Variants in PDE4D observed in about 807,000 individuals in gnomAD.
The protein encoded by PDE4D is phosphodiesterase 4D.
A neutral mutation model predicts 87.4 loss-of-function variants in PDE4D; 24 were observed. The observed-to-expected ratio is 0.27, with a 90% CI of 0.20 to 0.39. The LOEUF is 0.39. PDE4D is among the 10% of genes least tolerant of loss of function. PDE4D has a pLI of 1.00. For missense variants in PDE4D, 714 were observed against 1,041.0 expected, an observed-to-expected ratio of 0.69 and a Z score of 4.32; for synonymous variants, 384 against 383.2, an observed-to-expected ratio of 1.00 and a Z score of -0.02.
chr5:59,794,464 C>T (rs529441212), intron 1 of PDE4D, among the ~76,000 whole-genome samples: 2 of 151,996 alleles, frequency 1.3e-5, no homozygotes, highest in Non-Finnish European at 2.9e-5. Flanking sequence ...CGGCAGCCTG[C>T]GAGGGCTGCC....
chr5:59,267,950 C>A (rs914854943), intron 1 of PDE4D, among the ~76,000 whole-genome samples: 1 of 152,070 alleles, frequency 6.6e-6, no homozygotes, highest in African/African-American at 2.4e-5. Context: ...GTCCTCTACA[C>A]TGAGTTTCAT....
intron 1 of PDE4D, among the ~76,000 whole-genome samples, chr5:59,528,381 C>A (rs191821498): frequency 6.6e-6 from 1 of 152,188 alleles, no homozygotes; most frequent in Admixed American, 6.5e-5. Context: ...CAAAATATAA[C>A]CAGATGGAGT....
chr5:58,986,036 C>T (rs527689750), intron 11 of PDE4D, among the ~76,000 whole-genome samples: 76 of 152,332 alleles, frequency 5.0e-4, no homozygotes, highest in African/African-American at 1.7e-3. Context: ...CCTCATCACA[C>T]CTCATCGTCA....
chr5:59,661,785 T>C (rs1408274751), intron 1 of PDE4D, among the ~76,000 whole-genome samples: 1 of 152,226 alleles, frequency 6.6e-6, no homozygotes, highest in East Asian at 1.9e-4. Context: ...GTGTAGTTCA[T>C]TTCACACAGG....
intron 1 of PDE4D, among the ~76,000 whole-genome samples, chr5:60,497,963 T>C (rs986182281): frequency 6.6e-6 from 1 of 152,202 alleles, no homozygotes; most frequent in Non-Finnish European, 1.5e-5. Flanking sequence ...GTCTAAAGAA[T>C]AGAAATCCAT....
At chr5:59,744,233 T>C (rs1001465069) in intron 1 of PDE4D, among the ~76,000 whole-genome samples, 20 of 152,266 alleles carry the variant, frequency 1.3e-4, no homozygotes, top group Admixed American at 5.9e-4. Flanking sequence ...TGGAGGAATC[T>C]TATTTCTCTG....
chr5:59,608,279 C>T (rs1183617568), intron 1 of PDE4D, among the ~76,000 whole-genome samples: 1 of 152,074 alleles, frequency 6.6e-6, no homozygotes, highest in Non-Finnish European at 1.5e-5. Context: ...TCTAATTCCT[C>T]CCTATGTCCT....
At chr5:59,652,765 A>G (rs1743715685) in intron 1 of PDE4D, among the ~76,000 whole-genome samples, 1 of 152,022 alleles carries the variant, frequency 6.6e-6, no homozygotes, top group South Asian at 2.1e-4. Context: ...GGAGCTCAGG[A>G]AACACTCATT....
chr5:59,423,202 G>A (rs145773892), intron 1 of PDE4D, among the ~76,000 whole-genome samples: 123 of 152,240 alleles, frequency 8.1e-4, no homozygotes, highest in African/African-American at 2.8e-3. Context: ...TCTCAGCAGA[G>A]TATGTTGTTA....
At chr5:60,124,402 C>T (rs1778947233) in intron 2 of PDE4D, among the ~76,000 whole-genome samples, 1 of 152,096 alleles carries the variant, frequency 6.6e-6, no homozygotes, top group African/African-American at 2.4e-5. Flanking sequence ...CACAACTCTC[C>T]TTAAATTTTT....
intron 1 of PDE4D, among the ~76,000 whole-genome samples, chr5:59,352,145 A>G (rs992155243): frequency 6.6e-5 from 10 of 152,148 alleles, no homozygotes; most frequent in African/African-American, 1.4e-4. Flanking sequence ...GGGATTGGGA[A>G]TGGTTCCTGG....
At chr5:60,256,379 G>A (rs753067954) in intron 1 of PDE4D, among the ~76,000 whole-genome samples, 1 of 151,858 alleles carries the variant, frequency 6.6e-6, no homozygotes, top group Non-Finnish European at 1.5e-5. Flanking sequence ...TTTATTTAAA[G>A]ATTAAGGGAC....
intron 1 of PDE4D, among the ~76,000 whole-genome samples, chr5:60,421,278 C>T (rs1168155314): frequency 6.6e-6 from 1 of 152,190 alleles, no homozygotes; most frequent in African/African-American, 2.4e-5. Context: ...AGACACCTCC[C>T]AGTAGGGGCT....
intron 1 of PDE4D, among the ~76,000 whole-genome samples, chr5:59,540,540 G>C (rs1211312266): frequency 6.6e-6 from 1 of 152,148 alleles, no homozygotes; most frequent in Non-Finnish European, 1.5e-5. Context: ...GGCACAAGGA[G>C]CAGGAGCCAT....
chr5:60,422,612 G>A (rs146994939), intron 1 of PDE4D, among the ~76,000 whole-genome samples: 10,392 of 152,138 alleles, frequency 0.068, 549 homozygotes, highest in African/African-American at 0.15. Flanking sequence ...AAAGACCATC[G>A]ACACCATGAA....
chr5:59,276,339 G>A (rs1764827838), intron 1 of PDE4D, among the ~76,000 whole-genome samples: 1 of 151,932 alleles, frequency 6.6e-6, no homozygotes, highest in African/African-American at 2.4e-5. Context: ...ACCTTTACAA[G>A]GAACACACCC....
At chr5:59,675,264 C>T (rs1747876257) in intron 1 of PDE4D, among the ~76,000 whole-genome samples, 1 of 152,100 alleles carries the variant, frequency 6.6e-6, no homozygotes, top group African/African-American at 2.4e-5. Flanking sequence ...AATAGAATGG[C>T]TTTTTGTTTT....
chr5:59,602,459 C>G (rs1391328183), intron 1 of PDE4D, among the ~76,000 whole-genome samples: 1 of 151,922 alleles, frequency 6.6e-6, no homozygotes, highest in Non-Finnish European at 1.5e-5. Flanking sequence ...TATACACTAG[C>G]AGCGAACTAT....
intron 1 of PDE4D, among the ~76,000 whole-genome samples, chr5:59,222,644 A>G (rs967309204): frequency 6.6e-6 from 1 of 152,188 alleles, no homozygotes; most frequent in African/African-American, 2.4e-5. Flanking sequence ...CTTTTTCACT[A>G]CATAGTAAGA....
Sources: gnomAD v4.1 joint callset for allele counts (sites outside exome capture counted in the v4.1 genomes callset) on GRCh38, gnomAD v4.1.1 for gene constraint, MANE v1.5 for transcripts, NCBI Gene and HGNC (gene_info 2026-07-23, HGNC 2026-07-21) for gene names.